Variants in PPP1R26 observed in about 807,000 individuals in gnomAD.
PPP1R26 encodes the protein 1A6/DRIM (down-regulated in metastasis) interacting protein.
In PPP1R26, 22 loss-of-function variants were observed where a neutral mutation model predicts 67.6. That is an observed-to-expected ratio of 0.33 (90% CI 0.23 to 0.46). The LOEUF (loss-of-function observed/expected upper bound fraction) is 0.46, where lower values mean the gene tolerates loss of function less well. PPP1R26 is among the 20% of genes least tolerant of loss of function. The probability of loss-of-function intolerance (pLI) is 1.00; values close to 1 mark genes in which losing one functional copy is unlikely to be tolerated. For synonymous variants in PPP1R26, 729 were observed against 717.2 expected, an observed-to-expected ratio of 1.02 and a Z score of -0.26; for missense variants, 1,602 against 1,651.4, an observed-to-expected ratio of 0.97 and a Z score of 0.52.
In PPP1R26 at chr9:135,485,740, C is replaced by T; in HGVS notation, c.1230C>T (p.Ala410=). The stretch of plus-strand genomic sequence containing the variant: ...CTCCCGCACACAGCACAAGCAGTGC[C>T]ACAAAAAGTGCCTTGCCCGAGACCC... ...PDPPAHSTSS[A]TKSALPETHR... Residue 410 remains alanine, a synonymous_variant, in exon 4 of 4, where the codon GCC becomes GCT. Transcript: ENST00000356818. This position sits in a 1 kb window ranked among gnomAD's most constrained non-coding sequence, Gnocchi z 7.2. 1 of 1,610,660 alleles carries T rather than the reference C, an allele frequency of 6.2e-7. No individual in the cohort carries two copies. Among genetic ancestry groups the T allele is most frequent in the Non-Finnish European group, 8.5e-7 (1 of 1,179,984 alleles).
intron 1 of PPP1R26, chr9:135,480,225 G>A (rs1229469161): frequency 6.6e-6 from 1 of 151,702 alleles, no homozygotes; most frequent in African/African-American, 2.4e-5. Flanking sequence ...TGGCCTCCGT[G>A]CGACTCTCGG....
intron 1 of PPP1R26, 74 bp from the exon 2 acceptor site, chr9:135,482,609 C>T (rs1830557888): frequency 2.5e-6 from 1 of 395,788 alleles, no homozygotes; most frequent in Non-Finnish European, 4.4e-6. Context: ...ATATTTCTTT[C>T]CAAAAAAAAA....
At position 135,487,548 on chromosome 9, in the gene PPP1R26, C is replaced by T. The variant is rs764721084; in HGVS notation, c.3038C>T (p.Ala1013Val). Reference protein sequence around the residue: ...SPSFLTPSPGAERDAGAQADR... With the variant: ...SPSFLTPSPGVERDAGAQADR... Reference sequence around the variant, plus strand: ...AGCTTCCTGACCCCCAGCCCGGGAGCGGAGAGGGACGCTGGAGCCCAGGCC... The same window carrying T: ...AGCTTCCTGACCCCCAGCCCGGGAGTGGAGAGGGACGCTGGAGCCCAGGCC... The change falls in exon 4 of 4, where the codon GCG becomes GTG. Residue 1013 changes from alanine (A) to valine (V), a missense_variant. Ala to Val is a moderately conservative substitution (Grantham distance 64). This residue lies in a region of PPP1R26 where 740 missense variants were observed against 696.3 expected (regional missense o/e 1.06). Coordinates refer to ENST00000356818, the MANE Select transcript of PPP1R26 (RefSeq NM_014811.5). 13 of 1,572,112 alleles carry T rather than the reference C, an allele frequency of 8.3e-6. No homozygotes were observed. Among genetic ancestry groups the T allele is most frequent in the East Asian group, 4.6e-5 (2 of 43,040 alleles).
In PPP1R26 at chr9:135,485,373, C is replaced by T. The variant is rs756631202; in HGVS notation, c.863C>T (p.Ala288Val). Residue 288 changes from alanine to valine, a missense_variant, in exon 4 of 4, where the codon GCC (alanine) becomes GTC (valine). Ala to Val is a moderately conservative substitution (Grantham distance 64, BLOSUM62 0). This residue lies in a region of PPP1R26 where 680 missense variants were observed against 726.1 expected (regional missense o/e 0.94). Transcript: ENST00000356818. The surrounding 1 kb of genome is among the most constrained non-coding windows in gnomAD (Gnocchi z 7.2). ...QGLLGVQKEF[A>V]FRKPPRLAKM... ...CTGCTGGGCGTCCAGAAGGAGTTTG[C>T]CTTCCGCAAACCTCCCCGGTTAGCG... 4 of 1,612,794 alleles carry T rather than the reference C, an allele frequency of 2.5e-6. No homozygotes were observed. The highest frequency in any genetic ancestry group is 2.2e-5 in the East Asian group (1 of 44,878).
chr9:135,483,689 G>A, intron 2 of PPP1R26: 2 of 280,392 alleles, frequency 7.1e-6, no homozygotes, highest in Non-Finnish European at 6.5e-6. Flanking sequence ...TCTTCAAAGT[G>A]TCCCAAGCTC....
In PPP1R26 at chr9:135,486,643, C is replaced by T. The variant is rs1348568738; in HGVS notation, c.2133C>T (p.Cys711=). The T allele has an allele frequency of 6.2e-7, 1 of 1,611,080 alleles. No homozygotes were observed. Among genetic ancestry groups the T allele is most frequent in the African/African-American group, 1.3e-5 (1 of 74,796 alleles). ...CCAAGCGAAAGCTCAAGAAGAGGTG[C>T]AGGGAGCCCAGGGCTGCGTGCAGGA... ...LRSKRKLKKR[C]REPRAACRKK... Residue 711 remains cysteine, a synonymous_variant, in exon 4 of 4, where the codon TGC becomes TGT. Coordinates refer to ENST00000356818, the MANE Select transcript of PPP1R26 (RefSeq NM_014811.5). The surrounding 1 kb of genome is among the most constrained non-coding windows in gnomAD (Gnocchi z 6.2).
In PPP1R26 at chr9:135,487,164, C is replaced by G. The variant is rs199883887; in HGVS notation, c.2654C>G (p.Pro885Arg). The G allele has an allele frequency of 6.2e-7, 1 of 1,609,994 alleles. No individual in the cohort carries two copies. The highest frequency in any genetic ancestry group is 2.2e-5 in the East Asian group (1 of 44,864). The change falls in exon 4 of 4, where the codon CCG becomes CGG. Residue 885 changes from proline (P) to arginine (R), a missense_variant. Around this residue, in one of 5 missense-constraint regions of PPP1R26, gnomAD observed 740 missense variants for 696.3 expected, o/e 1.06. Transcript: ENST00000356818. ...EVLCRKEPAP[P>R]PGVCTRSQRA... Reference sequence around the variant, plus strand: ...CTGTGCAGGAAGGAGCCTGCCCCACCGCCTGGCGTGTGCACACGCAGCCAG... The same window carrying G: ...CTGTGCAGGAAGGAGCCTGCCCCACGGCCTGGCGTGTGCACACGCAGCCAG...
At position 135,486,481 on chromosome 9, in the gene PPP1R26, C is replaced by T. The variant is rs770865939; in HGVS notation, c.1971C>T (p.Gly657=). 23 of 1,612,674 alleles carry T rather than the reference C, an allele frequency of 1.4e-5. No homozygotes were observed. Among genetic ancestry groups the T allele is most frequent in the South Asian group, 3.3e-5 (3 of 91,010 alleles). The change falls in exon 4 of 4, where the codon GGC becomes GGT. Residue 657 remains glycine (G), a synonymous_variant. Transcript: ENST00000356818. The surrounding 1 kb of genome is among the most constrained non-coding windows in gnomAD (Gnocchi z 6.2). The part of the protein sequence containing the change: ...LGGEGTARGP[G]DTRMSQGQGK... ...GGGAGGGCACCGCCAGGGGCCCTGG[C>T]GACACTCGCATGTCACAGGGCCAGG...
Position 135,488,136 on chromosome 9 carries a change from T to G in PPP1R26, c.3626T>G (p.Val1209Gly), listed in dbSNP as rs1588357517. 6.6e-7 allele frequency: 1 copy of G among 1,507,930 alleles called. No homozygotes were observed. Among genetic ancestry groups the G allele is most frequent in the Non-Finnish European group, 8.9e-7 (1 of 1,129,318 alleles). 93.4% of individuals were successfully genotyped at this position (1,507,930 alleles called of 1,614,324 possible). Reference protein sequence around the residue: ...EDSGGSSVVKV With the variant: ...EDSGGSSVVKG ...AGTGGCGGCAGCTCAGTAGTGAAGG[T>G]CTAAGCCCTCGAGCTGTGGGTTCGC... The change falls in exon 4 of 4, where the codon GTC becomes GGC. Residue 1209 changes from valine (V) to glycine (G), a missense_variant. By Grantham distance (109) the Val-to-Gly change is moderately radical. Coordinates refer to ENST00000356818, the MANE Select transcript of PPP1R26 (RefSeq NM_014811.5).
At chr9:135,483,581 T>C in intron 2 of PPP1R26, 1 of 161,694 alleles carries the variant, frequency 6.2e-6, no homozygotes, top group East Asian at 1.8e-4. Context: ...GTGTTAAGAA[T>C]GAATAGCTGC....
Position 135,488,778 on chromosome 9 carries a change from A to G in PPP1R26, c.*638A>G, listed in dbSNP as rs755918584. On this transcript the variant is annotated 3_prime_UTR_variant, in exon 4 of 4. Transcript: ENST00000356818. ...ACTCCCTGTTGCATGTCAAATCCAC[A>G]CAGATGTCAGCGGCAGCTGCTCGGC... is the stretch of plus-strand genomic sequence containing the variant. 1.2e-5 allele frequency: 2 copies of G among 167,074 alleles called. No individual in the cohort carries two copies. The allele number at this position is 167,074 out of a possible 1,614,324, so 10.3% of individuals were successfully genotyped here.
Position 135,485,982 on chromosome 9 carries a change from C to T in PPP1R26, c.1472C>T (p.Ser491Phe). Residue 491 changes from serine (S) to phenylalanine (F), a missense_variant, in exon 4 of 4, where the codon TCC (serine) becomes TTC (phenylalanine). Around this residue, in one of 5 missense-constraint regions of PPP1R26, gnomAD observed 680 missense variants for 726.1 expected, o/e 0.94. Transcript: ENST00000356818. The surrounding 1 kb of genome is among the most constrained non-coding windows in gnomAD (Gnocchi z 7.2). ...LMCAEAILDI[S>F]KTILPAPVEG... ...TGTGCAGAAGCAATCCTGGACATCT[C>T]CAAGACGATCCTGCCGGCCCCTGTA... 6.2e-7 allele frequency: 1 copy of T among 1,613,230 alleles called. No homozygotes were observed. Among genetic ancestry groups the T allele is most frequent in the Non-Finnish European group, 8.5e-7 (1 of 1,180,044 alleles).
At chr9:135,482,983 CTTTCTTTTTTTTTTTT>C (rs1226346073) in intron 2 of PPP1R26, among the ~76,000 whole-genome samples, 168 bp downstream of exon 2, 2 of 125,778 alleles carry the variant, frequency 1.6e-5, no homozygotes, top group Non-Finnish European at 3.2e-5. Flanking sequence ...CTTTTTCTTT[CTTTCTTTTTTTTTTTT>C]TTTTTTTTGA....
chr9:135,482,983 C>CTTTTTTTTTTTTT lies in PPP1R26; in HGVS notation c.-196+171_-196+172insTTTTTTTTTTTTT, dbSNP rs1360229729. Among the ~76,000 whole-genome samples, 193 of 125,682 alleles carry CTTTTTTTTTTTTT rather than the reference C, an allele frequency of 1.5e-3. 2 individuals carry two copies. Among genetic ancestry groups the CTTTTTTTTTTTTT allele is most frequent in the South Asian group, 2.7e-3 (9 of 3,304 alleles). The allele number at this position is 125,682 out of a possible 152,430, so 82.5% of individuals were successfully genotyped here. A position where few individuals can be genotyped will look rare whatever the true frequency, so the allele number is the denominator to read the frequency against. ...GCTCACCTTTTGTTTCTTTTTCTTTCTTTCTTTTTTTTTTTTTTTTTTTTG... is the reference window on the plus strand; with the variant it reads ...GCTCACCTTTTGTTTCTTTTTCTTTCTTTTTTTTTTTTTTTTCTTTTTTTTTTTTTTTTTTTTG... On this transcript the variant is annotated intron_variant, in intron 2 of 3. Coordinates refer to ENST00000356818, the MANE Select transcript of PPP1R26 (RefSeq NM_014811.5).
chr9:135,484,293 A>G (rs1830624788), intron 3 of PPP1R26, 156 bp from the exon 4 acceptor site: 2 of 556,576 alleles, frequency 3.6e-6, no homozygotes, highest in Non-Finnish European at 6.3e-6. Flanking sequence ...AGCATGAGTA[A>G]GTCGTGCAAG....
intron 1 of PPP1R26, chr9:135,480,347 C>G (rs776676168): frequency 3.3e-5 from 5 of 152,300 alleles, no homozygotes; most frequent in Non-Finnish European, 7.3e-5. Flanking sequence ...GGCCGCGGCC[C>G]GGCCGGCCTG....
At chr9:135,484,160 T>G in intron 3 of PPP1R26, 78 bp downstream of exon 3, 1 of 447,464 alleles carries the variant, frequency 2.2e-6, no homozygotes, top group Non-Finnish European at 3.9e-6. Flanking sequence ...GTGATGACCG[T>G]GCGTGCCCCG....
chr9:135,488,176 G>A lies in PPP1R26; in HGVS notation c.*36G>A. ...TGTGGGTTCGCGTCCTGGGTTGCGT[G>A]CATTCGTGGAAAGCGGCGTAGCCGT... On this transcript the variant is annotated 3_prime_UTR_variant, in exon 4 of 4. Coordinates refer to ENST00000356818, the MANE Select transcript of PPP1R26 (RefSeq NM_014811.5). 1 of 1,487,844 alleles carries A rather than the reference G, an allele frequency of 6.7e-7. No homozygotes were observed. Among genetic ancestry groups the A allele is most frequent in the Non-Finnish European group, 8.9e-7 (1 of 1,121,428 alleles). 92.2% of individuals were successfully genotyped at this position (1,487,844 alleles called of 1,614,324 possible).
rs1382587216 is a variant in PPP1R26, at chr9:135,487,704, G to A, written c.3194G>A (p.Gly1065Asp). 1 of 1,450,786 alleles carries A rather than the reference G, an allele frequency of 6.9e-7. No individual in the cohort carries two copies. The highest frequency in any genetic ancestry group is 2.5e-5 in the East Asian group (1 of 40,326). The allele number at this position is 1,450,786 out of a possible 1,614,324, so 89.9% of individuals were successfully genotyped here. A position where few individuals can be genotyped will look rare whatever the true frequency, so the allele number is the denominator to read the frequency against. Residue 1065 changes from glycine to aspartate, a missense_variant, in exon 4 of 4, where the codon GGC (glycine) becomes GAC (aspartate). Gly to Asp is a moderately conservative substitution (Grantham distance 94). This residue lies in a region of PPP1R26 where 740 missense variants were observed against 696.3 expected (regional missense o/e 1.06). Coordinates refer to ENST00000356818, the MANE Select transcript of PPP1R26 (RefSeq NM_014811.5). ...AGCGAGAGAGACAAGGGGTCCGAGG[G>A]CCCCGCCCGGGGCCTGCCCAGCCTG... ...VGSERDKGSE[G>D]PARGLPSLPL...
Sources: allele counts gnomAD v4.1 joint callset (sites outside exome capture counted in the v4.1 genomes callset), GRCh38; gene constraint gnomAD v4.1.1; regional missense constraint gnomAD v4.1.1; non-coding constraint Gnocchi (gnomAD v3.1); transcripts MANE v1.5; gene names NCBI Gene and HGNC (gene_info 2026-07-23, HGNC 2026-07-21).